LYPLAL1: variants seen among roughly 807,000 people sequenced by gnomAD.
The protein encoded by LYPLAL1 is lysophospholipase-like protein 1.
A neutral mutation model predicts 19.7 loss-of-function variants in LYPLAL1; 23 were observed. That is an observed-to-expected ratio of 1.17 (90% CI 0.84 to 1.65). The LOEUF is 1.65. LYPLAL1 is among the 40% of genes most tolerant of loss of function. The probability of loss-of-function intolerance (pLI) is 0.00; values close to 1 mark genes in which losing one functional copy is unlikely to be tolerated. For missense variants in LYPLAL1, 355 were observed against 279.4 expected, an observed-to-expected ratio of 1.27 and a Z score of -1.93; for synonymous variants, 119 against 96.3, an observed-to-expected ratio of 1.24 and a Z score of -1.38.
At chr1:219,341,224 T>C in the LYPLAL1 span, among the ~76,000 whole-genome samples, 1 of 152,136 alleles carries the variant, frequency 6.6e-6, no homozygotes, top group Non-Finnish European at 1.5e-5. Context: ...GTCTGATATA[T>C]GTTTCACTAA....
the LYPLAL1 span, among the ~76,000 whole-genome samples, chr1:219,256,576 A>G: frequency 1.3e-5 from 2 of 151,342 alleles, no homozygotes; most frequent in South Asian, 4.1e-4. Context: ...ATTGCACTTT[A>G]GTTTTTATAT....
At chr1:219,231,096 A>C in the LYPLAL1 span, among the ~76,000 whole-genome samples, 1 of 152,248 alleles carries the variant, frequency 6.6e-6, no homozygotes, top group African/African-American at 2.4e-5. Flanking sequence ...ATAGAATGTT[A>C]CTTTTAAATT....
the LYPLAL1 span, among the ~76,000 whole-genome samples, chr1:219,410,776 T>G: frequency 6.6e-6 from 1 of 152,206 alleles, no homozygotes; most frequent in African/African-American, 2.4e-5. Flanking sequence ...CCCCGGGCAA[T>G]GGGGGACTTA....
chr1:219,303,894 T>C, the LYPLAL1 span, among the ~76,000 whole-genome samples: 1 of 152,172 alleles, frequency 6.6e-6, no homozygotes, highest in Non-Finnish European at 1.5e-5. Flanking sequence ...TCAAAACAAG[T>C]TTCCAACCTA....
At chr1:219,281,697 G>C in the LYPLAL1 span, among the ~76,000 whole-genome samples, 2 of 152,064 alleles carry the variant, frequency 1.3e-5, no homozygotes, top group Non-Finnish European at 1.5e-5. Flanking sequence ...AAAGTGTCTC[G>C]CCTCAATCAT....
chr1:219,325,100 G>A, the LYPLAL1 span, among the ~76,000 whole-genome samples: 1 of 152,096 alleles, frequency 6.6e-6, no homozygotes, highest in Non-Finnish European at 1.5e-5. Flanking sequence ...GTAAATAAAT[G>A]AATACCTCTC....
chr1:219,314,665 T>C, the LYPLAL1 span, among the ~76,000 whole-genome samples: 1 of 152,082 alleles, frequency 6.6e-6, no homozygotes, highest in Non-Finnish European at 1.5e-5. Flanking sequence ...ATCTCCTGAC[T>C]TCGTGATCCA....
the LYPLAL1 span, among the ~76,000 whole-genome samples, chr1:219,335,762 G>A: frequency 2.6e-4 from 39 of 151,714 alleles, no homozygotes; most frequent in Non-Finnish European, 5.2e-4. Flanking sequence ...CCAGAATTGT[G>A]CTACAACTGG....
the LYPLAL1 span, among the ~76,000 whole-genome samples, chr1:219,432,336 A>G: frequency 1.3e-5 from 2 of 152,136 alleles, no homozygotes; most frequent in Non-Finnish European, 2.9e-5. Context: ...TGAGTTCAAC[A>G]TTCCTGGAGG....
chr1:219,205,516 T>C (rs1046455577), intron 3 of LYPLAL1, among the ~76,000 whole-genome samples: 5 of 152,074 alleles, frequency 3.3e-5, no homozygotes, highest in African/African-American at 1.2e-4. Context: ...TTAGTTTAAC[T>C]GTAAAAATGA....
chr1:219,314,635 G>C, the LYPLAL1 span, among the ~76,000 whole-genome samples: 3 of 151,870 alleles, frequency 2.0e-5, no homozygotes, highest in Non-Finnish European at 4.4e-5. Context: ...TAGTAGAGAC[G>C]GGGTTTCACC....
At chr1:219,186,670 C>T (rs545696599) in intron 2 of LYPLAL1, among the ~76,000 whole-genome samples, 3 of 151,596 alleles carry the variant, frequency 2.0e-5, no homozygotes, top group African/African-American at 4.8e-5. Context: ...CATTTTTCAT[C>T]CTTTTACTTT....
chr1:219,244,400 G>A, the LYPLAL1 span, among the ~76,000 whole-genome samples: 1 of 152,168 alleles, frequency 6.6e-6, no homozygotes, highest in Non-Finnish European at 1.5e-5. Context: ...GATAGTGCAA[G>A]TTATTTAAGA....
the LYPLAL1 span, among the ~76,000 whole-genome samples, chr1:219,419,628 C>T: frequency 7.1e-6 from 1 of 140,664 alleles, no homozygotes; most frequent in Admixed American, 7.0e-5. Flanking sequence ...TGTGCTTTAG[C>T]TTCCACATCA....
chr1:219,418,339 C>T, the LYPLAL1 span, among the ~76,000 whole-genome samples: 1 of 152,184 alleles, frequency 6.6e-6, no homozygotes, highest in Non-Finnish European at 1.5e-5. Context: ...TTCCCACACA[C>T]AAAGCCACCC....
At chr1:219,227,829 C>G in the LYPLAL1 span, among the ~76,000 whole-genome samples, 4 of 152,192 alleles carry the variant, frequency 2.6e-5, no homozygotes, top group African/African-American at 9.7e-5. Context: ...AAAGGATATT[C>G]TATCAGCTTG....
chr1:219,247,799 C>A, the LYPLAL1 span, among the ~76,000 whole-genome samples: 1 of 152,030 alleles, frequency 6.6e-6, no homozygotes, highest in Admixed American at 6.6e-5. Flanking sequence ...CATCAAATGA[C>A]CCATGTTAGA....
chr1:219,235,158 A>G, the LYPLAL1 span, among the ~76,000 whole-genome samples: 1 of 152,316 alleles, frequency 6.6e-6, no homozygotes, highest in Non-Finnish European at 1.5e-5. Flanking sequence ...GCTTGACTGC[A>G]GAACACATGC....
At chr1:219,304,752 T>A in the LYPLAL1 span, among the ~76,000 whole-genome samples, 4 of 152,160 alleles carry the variant, frequency 2.6e-5, no homozygotes, top group African/African-American at 9.7e-5. Context: ...AGACCCTAGA[T>A]TGCCATGAAA....
Sources: gnomAD v4.1 joint callset for allele counts (sites outside exome capture counted in the v4.1 genomes callset) on GRCh38, gnomAD v4.1.1 for gene constraint, MANE v1.5 for transcripts, NCBI Gene and HGNC (gene_info 2026-07-23, HGNC 2026-07-21) for gene names.